Variants in MINDY4B observed in about 807,000 individuals in gnomAD.
MINDY4B encodes MINDY family member 4B, also known as inactive ubiquitin carboxyl-terminal hydrolase MINDY-4B.
In MINDY4B, 25 loss-of-function variants were observed where a neutral mutation model predicts 16.7. The ratio of observed to expected loss-of-function variants is 1.49; its 90% CI spans 1.09 to 2.09. The LOEUF is 2.09. Ranked by LOEUF, MINDY4B falls within the 30% of genes most tolerant of loss-of-function variation. The pLI is 0.00. For missense variants in MINDY4B, 327 were observed against 168.4 expected, an observed-to-expected ratio of 1.94 and a Z score of -5.21; for synonymous variants, 132 against 61.9, an observed-to-expected ratio of 2.13 and a Z score of -5.32.
At chr3:150,893,165 C>T (rs878966429) in intron 5 of MINDY4B, among the ~76,000 whole-genome samples, 159 bp downstream of exon 5, 1 of 152,182 alleles carries the variant, frequency 6.6e-6, no homozygotes, top group African/African-American at 2.4e-5. Context: ...GAGCCCTTCC[C>T]AGTGGCAGAA....
chr3:150,872,972 AC>A (rs1717005072), intron 11 of MINDY4B, among the ~76,000 whole-genome samples: 1 of 151,720 alleles, frequency 6.6e-6, no homozygotes. Context: ...GCTATTTCTA[AC>A]CCCCCTGCTC....
In MINDY4B at chr3:150,883,780, G is replaced by T. The variant is rs145098208; in HGVS notation, c.825-8C>A. The T allele has an allele frequency of 1.3e-5, 9 of 702,736 alleles. No homozygotes were observed. In the Admixed American group the frequency reaches 1.8e-4, roughly 14 times the overall value. The allele number at this position is 702,736 out of a possible 1,614,324, so 43.5% of individuals were successfully genotyped here. A position where few individuals can be genotyped will look rare whatever the true frequency, so the allele number is the denominator to read the frequency against. ...TCTAGGTCCATTTGAAGCCTGCAGA[G>T]TGGGAGAAGCCATCAGCATCCAGTC... On this transcript the variant is annotated splice_region_variant and splice_polypyrimidine_tract_variant and intron_variant, in intron 8 of 11. Transcript: ENST00000465419.
At position 150,905,381 on chromosome 3, in the gene MINDY4B, A is replaced by T; in HGVS notation, c.59T>A (p.Ile20Asn). The T allele has an allele frequency of 2.5e-6, 1 of 398,524 alleles. No homozygotes were observed. The highest frequency in any genetic ancestry group is 4.4e-6 in the Non-Finnish European group (1 of 226,002). 24.7% of individuals were successfully genotyped at this position (398,524 alleles called of 1,614,324 possible). ...GTCAAGGAATGAAATTTTCCTTGAG[A>T]TCTCCTCTAAATCCAGCTGTTCGGA... ...QSSEQLDLEE[I>N]SRKISFLDKW... Residue 20 changes from isoleucine to asparagine, a missense_variant, in exon 1 of 12, where the codon ATC (isoleucine) becomes AAC (asparagine). By Grantham distance (149) the Ile-to-Asn change is moderately radical. Transcript: ENST00000465419.
chr3:150,882,564 G>GTATATATATATATATATATATA (rs59302082), intron 10 of MINDY4B, among the ~76,000 whole-genome samples: 8 of 148,000 alleles, frequency 5.4e-5, no homozygotes, highest in African/African-American at 2.0e-4. Flanking sequence ...GTGTATGTGT[G>GTATATATATATATATATATATA]TATATATATA....
At chr3:150,901,315 C>T (rs1439527732) in intron 3 of MINDY4B, 1 of 152,184 alleles carries the variant, frequency 6.6e-6, no homozygotes. Flanking sequence ...TATTATCTAT[C>T]TTCGTTGCTT....
intron 10 of MINDY4B, among the ~76,000 whole-genome samples, chr3:150,881,080 T>C (rs1435964216): frequency 2.0e-5 from 3 of 152,178 alleles, no homozygotes; most frequent in East Asian, 3.8e-4. Flanking sequence ...TAGAACTCTT[T>C]GCAGCCTCTA....
intron 3 of MINDY4B, among the ~76,000 whole-genome samples, chr3:150,895,280 G>A (rs1016818343): frequency 2.0e-5 from 3 of 152,094 alleles, no homozygotes; most frequent in African/African-American, 7.2e-5. Context: ...CTTTAATCAT[G>A]TAAGTATCAT....
chr3:150,893,165 CA>C (rs1198420280), intron 5 of MINDY4B, among the ~76,000 whole-genome samples, 158 bp downstream of exon 5: 5 of 152,182 alleles, frequency 3.3e-5, no homozygotes, highest in African/African-American at 9.7e-5. Context: ...GAGCCCTTCC[CA>C]GTGGCAGAAT....
chr3:150,898,834 T>G (rs1712043054), intron 3 of MINDY4B, among the ~76,000 whole-genome samples: 1 of 152,182 alleles, frequency 6.6e-6, no homozygotes, highest in Non-Finnish European at 1.5e-5. Context: ...CCTGAATCAT[T>G]CTTTCCAACA....
At chr3:150,877,684 G>A (rs1711498922) in intron 10 of MINDY4B, among the ~76,000 whole-genome samples, 1 of 152,082 alleles carries the variant, frequency 6.6e-6, no homozygotes, top group East Asian at 1.9e-4. Flanking sequence ...ATCAACACAA[G>A]CTCACACCAC....
chr3:150,882,564 GTATATATA>G (rs59302082), intron 10 of MINDY4B, among the ~76,000 whole-genome samples: 85 of 148,098 alleles, frequency 5.7e-4, no homozygotes, highest in African/African-American at 1.9e-3. Flanking sequence ...GTGTATGTGT[GTATATATA>G]TATATATATA....
At position 150,903,410 on chromosome 3, in the gene MINDY4B, C is replaced by G; in HGVS notation, c.148G>C (p.Glu50Gln). Reference protein sequence around the residue: ...GTNNSTPQNHEGNHTSADENE... With the variant: ...GTNNSTPQNHQGNHTSADENE... The stretch of plus-strand genomic sequence containing the variant: ...TCATCAGCAGATGTATGGTTGCCTT[C>G]ATGATTCTGTGCAAATATCACCCCC... The change falls in exon 3 of 12, where the codon GAA becomes CAA. Residue 50 changes from glutamate (E) to glutamine (Q), a missense_variant. Glu to Gln is a conservative substitution (Grantham distance 29). Transcript: ENST00000465419. 2.5e-6 allele frequency: 1 copy of G among 398,504 alleles called. No homozygotes were observed. The allele number at this position is 398,504 out of a possible 1,614,324, so 24.7% of individuals were successfully genotyped here.
chr3:150,889,025 A>G (rs142419340), intron 7 of MINDY4B, among the ~76,000 whole-genome samples: 2 of 152,338 alleles, frequency 1.3e-5, no homozygotes, highest in East Asian at 3.9e-4. Context: ...CTTGCCCACA[A>G]CAAAGAATCC....
chr3:150,881,463 G>A (rs148786543), intron 10 of MINDY4B, among the ~76,000 whole-genome samples: 174 of 151,194 alleles, frequency 1.2e-3, no homozygotes, highest in African/African-American at 3.8e-3. Context: ...AGCAGGTTTC[G>A]GAAGAGTAGA....
intron 8 of MINDY4B, 95 bp from the exon 9 acceptor site, chr3:150,883,867 C>T (rs1213743496): frequency 1.8e-5 from 12 of 676,998 alleles, no homozygotes; most frequent in Admixed American, 8.5e-5. Context: ...AGCAGTAACA[C>T]GGGCTCTCCT....
At chr3:150,874,711 A>G (rs761361265) in intron 10 of MINDY4B, among the ~76,000 whole-genome samples, 7 of 152,130 alleles carry the variant, frequency 4.6e-5, no homozygotes, top group Non-Finnish European at 8.8e-5. Flanking sequence ...AACAAATTCT[A>G]TTTTGTGGAA....
chr3:150,898,903 T>G (rs1244917413), intron 3 of MINDY4B, among the ~76,000 whole-genome samples: 1 of 152,198 alleles, frequency 6.6e-6, no homozygotes, highest in African/African-American at 2.4e-5. Context: ...AGCTTCCCTG[T>G]GACCACCTGC....
At chr3:150,873,011 C>G (rs532021694) in intron 11 of MINDY4B, among the ~76,000 whole-genome samples, 176 bp downstream of exon 11, 1 of 152,310 alleles carries the variant, frequency 6.6e-6, no homozygotes, top group South Asian at 2.1e-4. Context: ...CAAATTCCCA[C>G]ATTGCAATAC....
At chr3:150,895,965 CTTCT>C (rs1711950367) in intron 3 of MINDY4B, among the ~76,000 whole-genome samples, 1 of 152,056 alleles carries the variant, frequency 6.6e-6, no homozygotes, top group Admixed American at 6.5e-5. Context: ...TTAGATTCCT[CTTCT>C]TTCTGATTAT....
Sources: allele counts gnomAD v4.1 joint callset (sites outside exome capture counted in the v4.1 genomes callset), GRCh38; gene constraint gnomAD v4.1.1; transcripts MANE v1.5; gene names NCBI Gene and HGNC (gene_info 2026-07-23, HGNC 2026-07-21).